Variants in DGKB observed in about 807,000 individuals in gnomAD.
DGKB encodes the protein 90 kDa diacylglycerol kinase.
Under a neutral mutation model 114.3 loss-of-function variants are expected in DGKB, and 67 were observed. The observed-to-expected ratio is 0.59, with a 90% confidence interval of 0.48 to 0.72. DGKB has a LOEUF of 0.72. Ranked by LOEUF, DGKB falls within the 30% of genes least tolerant of loss-of-function variation. DGKB has a pLI of 0.00. For missense variants in DGKB, 907 were observed against 975.2 expected (o/e 0.93, Z 0.93); for synonymous variants, 398 against 323.1 (o/e 1.23, Z -2.49).
At chr7:14,621,224 G>C (rs933843293) in intron 15 of DGKB, 154 bp downstream of exon 15, 8 of 567,298 alleles carry the variant, frequency 1.4e-5, no homozygotes, top group Admixed American at 3.6e-5. Context: ...CCGTAAGACT[G>C]ACATCTTGAT....
chr7:14,583,314 T>C (rs559907901), intron 17 of DGKB, among the ~76,000 whole-genome samples, 177 bp from the exon 18 acceptor site: 26 of 152,242 alleles, frequency 1.7e-4, no homozygotes, highest in Admixed American at 5.9e-4. Flanking sequence ...TATTCAAGAT[T>C]CTATAATTTA....
rs1828781293 is a variant in DGKB, at chr7:14,719,434, T to A, written c.323-749A>T. On this transcript the variant is annotated intron_variant, in intron 5 of 25. Transcript: ENST00000402815. Reference sequence around the variant, plus strand: ...TCACAGTAACTTGTTAGTTCTGTCTTACCCAGAAGCCACTGAAGTCAGATT... The same window carrying A: ...TCACAGTAACTTGTTAGTTCTGTCTAACCCAGAAGCCACTGAAGTCAGATT... 1.8e-5 allele frequency among the ~76,000 whole-genome samples: 2 copies of A among 112,478 alleles called. 1 individual carries two copies. Among genetic ancestry groups the A allele is most frequent in the South Asian group, 7.7e-4 (2 of 2,608 alleles). 73.8% of individuals were successfully genotyped at this position (112,478 alleles called of 152,430 possible). A position where few individuals can be genotyped will look rare whatever the true frequency, so the allele number is the denominator to read the frequency against.
intron 4 of DGKB, among the ~76,000 whole-genome samples, chr7:14,740,210 A>T (rs7799347): frequency 0.65 from 97,460 of 151,080 alleles, 35,077 homozygotes; most frequent in Non-Finnish European, 0.81. Context: ...TTTCTTCCCC[A>T]GGCATTTCCC....
intron 20 of DGKB, 61 bp downstream of exon 20, chr7:14,574,151 A>T (rs1798778306): frequency 9.8e-6 from 13 of 1,325,104 alleles, no homozygotes; most frequent in Non-Finnish European, 1.3e-5. Flanking sequence ...ATAGTTTAAA[A>T]GTTTTCTCAC....
At chr7:14,417,170 G>T (rs1393039690) in intron 21 of DGKB, among the ~76,000 whole-genome samples, 5 of 151,982 alleles carry the variant, frequency 3.3e-5, no homozygotes, top group Admixed American at 3.3e-4. Flanking sequence ...TAATGATTAG[G>T]TGTTTTCCAA....
At chr7:14,363,857 T>A (rs1816184110) in intron 21 of DGKB, among the ~76,000 whole-genome samples, 1 of 152,082 alleles carries the variant, frequency 6.6e-6, no homozygotes, top group African/African-American at 2.4e-5. Flanking sequence ...GAGTGGAAAC[T>A]AAGTAACCTA....
intron 1 of DGKB, among the ~76,000 whole-genome samples, chr7:14,884,759 C>T (rs1474816627): frequency 1.3e-5 from 2 of 151,950 alleles, no homozygotes; most frequent in Non-Finnish European, 2.9e-5. Context: ...GCAACTCATG[C>T]TCCAAAGGCC....
intron 3 of DGKB, among the ~76,000 whole-genome samples, chr7:14,754,589 TG>T (rs1834598911): frequency 6.6e-6 from 1 of 151,678 alleles, no homozygotes; most frequent in African/African-American, 2.4e-5. Flanking sequence ...AAAAAAAAAA[TG>T]TGTGGAATGC....
intron 23 of DGKB, among the ~76,000 whole-genome samples, chr7:14,297,562 A>G (rs1291170294): frequency 6.6e-6 from 1 of 152,198 alleles, no homozygotes; most frequent in Non-Finnish European, 1.5e-5. Context: ...TCTCAAAATA[A>G]TAAGAGCTGT....
chr7:14,625,783 T>TA (rs927171558), intron 14 of DGKB, among the ~76,000 whole-genome samples: 64 of 151,648 alleles, frequency 4.2e-4, no homozygotes, highest in African/African-American at 1.5e-3. Context: ...CTACTCTAAC[T>TA]AAAAAAAAGT....
rs116121587 is a variant in DGKB, at chr7:14,854,021, G to C, written c.-187-12571C>G. ...TCACATCTTGCCTGACTCATTAGCA[G>C]TAAGCTCCCTTTATTTCATTATCTG... On this transcript the variant is annotated intron_variant, in intron 1 of 25. Coordinates refer to ENST00000402815, the MANE Select transcript of DGKB (RefSeq NM_001350709.2). Among the ~76,000 whole-genome samples, 1,433 of 152,078 alleles carry C rather than the reference G, an allele frequency of 9.4e-3. 21 individuals are homozygous for C. Among genetic ancestry groups the C allele is most frequent in the African/African-American group, 0.032 (1,328 of 41,484 alleles).
chr7:14,507,355 A>T (rs2128967043), intron 20 of DGKB, among the ~76,000 whole-genome samples: 1 of 152,282 alleles, frequency 6.6e-6, no homozygotes, highest in South Asian at 2.1e-4. Context: ...TGCCAGTTTT[A>T]ATGAAATACT....
intron 17 of DGKB, among the ~76,000 whole-genome samples, chr7:14,590,235 T>C (rs1801483251): frequency 1.3e-5 from 2 of 152,136 alleles, no homozygotes; most frequent in South Asian, 4.1e-4. Flanking sequence ...TCTTAAAATT[T>C]ATGATTTTAA....
intron 17 of DGKB, among the ~76,000 whole-genome samples, chr7:14,592,778 T>C (rs1449897313): frequency 6.6e-6 from 1 of 151,850 alleles, no homozygotes; most frequent in Non-Finnish European, 1.5e-5. Flanking sequence ...TCTGTGGGTT[T>C]CGATGTTTTA....
intron 20 of DGKB, among the ~76,000 whole-genome samples, chr7:14,529,402 T>C (rs1791186153): frequency 6.6e-6 from 1 of 151,816 alleles, no homozygotes; most frequent in Non-Finnish European, 1.5e-5. Flanking sequence ...TAAAGTCTAT[T>C]TAAATAAATA....
At chr7:14,617,963 A>G (rs1377078516) in intron 15 of DGKB, among the ~76,000 whole-genome samples, 1 of 151,516 alleles carries the variant, frequency 6.6e-6, no homozygotes, top group African/African-American at 2.4e-5. Context: ...ATTATCTACC[A>G]TTTTATGTAT....
intron 21 of DGKB, among the ~76,000 whole-genome samples, chr7:14,404,618 G>T (rs1190152076): frequency 1.3e-5 from 2 of 151,866 alleles, no homozygotes; most frequent in Non-Finnish European, 2.9e-5. Flanking sequence ...CTGCAGCCTC[G>T]TTTTGAAACA....
At chr7:14,968,457 T>C (rs142049485) in intron 1 of DGKB, among the ~76,000 whole-genome samples, 16 of 152,302 alleles carry the variant, frequency 1.1e-4, no homozygotes, top group African/African-American at 2.9e-4. Flanking sequence ...GAGGGCTCTT[T>C]GTGAAAAACA....
intron 4 of DGKB, among the ~76,000 whole-genome samples, chr7:14,738,294 T>C (rs180806127): frequency 6.6e-6 from 1 of 152,344 alleles, no homozygotes; most frequent in East Asian, 1.9e-4. Context: ...TCACAAGCAT[T>C]GTGGTTAGAA....
Sources: allele counts gnomAD v4.1 joint callset (sites outside exome capture counted in the v4.1 genomes callset), GRCh38; gene constraint gnomAD v4.1.1; transcripts MANE v1.5; gene names NCBI Gene and HGNC (gene_info 2026-07-23, HGNC 2026-07-21).